The following SPICE1 variants were observed in gnomAD, a reference collection of about 807,000 sequenced individuals.
The protein encoded by SPICE1 is spindle and centriole associated protein 1.
SPICE1 carries 75 observed loss-of-function variants against 102.7 expected under a neutral mutation model. The observed-to-expected ratio is 0.73, with a 90% confidence interval of 0.61 to 0.88. The LOEUF (loss-of-function observed/expected upper bound fraction) is 0.88, where lower values mean the gene tolerates loss of function less well. Ranked by LOEUF, SPICE1 falls within the 40% of genes least tolerant of loss-of-function variation. The pLI is 0.00. For missense variants in SPICE1, 979 were observed against 1,020.1 expected, an observed-to-expected ratio of 0.96 and a Z score of 0.55; for synonymous variants, 308 against 350.3, an observed-to-expected ratio of 0.88 and a Z score of 1.35.
intron 7 of SPICE1, among the ~76,000 whole-genome samples, chr3:113,473,277 G>A (rs924370164): frequency 1.3e-5 from 2 of 152,124 alleles, no homozygotes; most frequent in African/African-American, 4.8e-5. Context: ...CAAGAAATAT[G>A]GGACTATGTG....
chr3:113,513,516 CTCA>C (rs917431017), intron 1 of SPICE1, among the ~76,000 whole-genome samples: 10 of 152,166 alleles, frequency 6.6e-5, no homozygotes, highest in African/African-American at 1.7e-4. Context: ...CAAAATACAG[CTCA>C]TCATCATACC....
chr3:113,463,793 G>T (rs564621642), intron 11 of SPICE1, among the ~76,000 whole-genome samples: 1 of 152,356 alleles, frequency 6.6e-6, no homozygotes, highest in South Asian at 2.1e-4. Context: ...GGATGGCCTG[G>T]CGCGGTGGCT....
In SPICE1 at chr3:113,476,257, A is replaced by G. The variant is rs1344354788; in HGVS notation, c.612-7019T>C. On this transcript the variant is annotated intron_variant, in intron 7 of 17. Transcript: ENST00000295872. ...GTGAAGGACCTCTTCAAGGAGAACT[A>G]CAAACCACTGCTGAATGAAATAAAA... 3.3e-5 allele frequency among the ~76,000 whole-genome samples: 5 copies of G among 151,122 alleles called. No homozygotes were observed. The South Asian group carries it at 1.0e-3, about 31-fold the overall frequency.
chr3:113,496,638 T>C (rs1203962277), intron 4 of SPICE1, among the ~76,000 whole-genome samples: 1 of 152,188 alleles, frequency 6.6e-6, no homozygotes, highest in Non-Finnish European at 1.5e-5. Flanking sequence ...AAATCTAAGA[T>C]TATGCTGGCC....
At chr3:113,486,755 C>T (rs1405565761) in intron 7 of SPICE1, among the ~76,000 whole-genome samples, 1 of 151,416 alleles carries the variant, frequency 6.6e-6, no homozygotes, top group Non-Finnish European at 1.5e-5. Context: ...TGAACATGCA[C>T]ATTTATTGTC....
chr3:113,453,713 T>C lies in SPICE1; in HGVS notation c.1895A>G (p.His632Arg). Residue 632 changes from histidine (H) to arginine (R), a missense_variant, in exon 14 of 18, where the codon CAT becomes CGT. His to Arg is a conservative substitution (Grantham distance 29). Coordinates refer to ENST00000295872, the MANE Select transcript of SPICE1 (RefSeq NM_144718.4). ...VNLSQPLCNS[H>R]SNTQQSRSPT... Reference sequence around the variant, plus strand: ...GCTTCTTGACTGTTGAGTGTTGGAATGGGAATTGCAGAGGGGCTGTGAGAG... The same window carrying C: ...GCTTCTTGACTGTTGAGTGTTGGAACGGGAATTGCAGAGGGGCTGTGAGAG... The C allele has an allele frequency of 6.2e-7, 1 of 1,614,146 alleles. No homozygotes were observed.
At chr3:113,471,385 T>C (rs1936194753) in intron 7 of SPICE1, among the ~76,000 whole-genome samples, 1 of 152,170 alleles carries the variant, frequency 6.6e-6, no homozygotes, top group Non-Finnish European at 1.5e-5. Context: ...GAGGAGATGA[T>C]GTGAAGACAA....
chr3:113,492,158 T>C (rs1936781277), intron 6 of SPICE1, among the ~76,000 whole-genome samples: 1 of 152,200 alleles, frequency 6.6e-6, no homozygotes, highest in African/African-American at 2.4e-5. Flanking sequence ...TGCCAAAACA[T>C]AAATGGTTTT....
intron 7 of SPICE1, among the ~76,000 whole-genome samples, chr3:113,478,919 T>C (rs1323119884): frequency 6.6e-6 from 1 of 151,998 alleles, no homozygotes; most frequent in Non-Finnish European, 1.5e-5. Flanking sequence ...GTAATAAAAC[T>C]AGAAAAACAA....
Position 113,450,335 on chromosome 3 carries a change from C to T in SPICE1, c.2323+1G>A. The stretch of plus-strand genomic sequence containing the variant: ...TTTTAAATCATGAATTTGTGACCAA[C>T]CAGTCCATGCTCTGAGAGGTAACTG... On this transcript the variant is annotated splice_donor_variant, in intron 15 of 17. Coordinates refer to ENST00000295872, the MANE Select transcript of SPICE1 (RefSeq NM_144718.4). LOFTEE classifies it high-confidence loss of function. 1 of 1,613,950 alleles carries T rather than the reference C, an allele frequency of 6.2e-7. No individual in the cohort carries two copies. Among genetic ancestry groups the T allele is most frequent in the East Asian group, 2.2e-5 (1 of 44,868 alleles).
chr3:113,474,886 A>C (rs1316566206), intron 7 of SPICE1, among the ~76,000 whole-genome samples: 1 of 152,192 alleles, frequency 6.6e-6, no homozygotes, highest in Non-Finnish European at 1.5e-5. Context: ...GAACTAGAAA[A>C]GCAAACACAT....
At chr3:113,495,176 G>C (rs1290842225) in intron 4 of SPICE1, among the ~76,000 whole-genome samples, 1 of 152,178 alleles carries the variant, frequency 6.6e-6, no homozygotes, top group Non-Finnish European at 1.5e-5. Context: ...CCACAGGCTA[G>C]AGTAAAAGCC....
chr3:113,478,676 T>G (rs1936418928), intron 7 of SPICE1, among the ~76,000 whole-genome samples: 1 of 152,142 alleles, frequency 6.6e-6, no homozygotes, highest in Admixed American at 6.6e-5. Context: ...TAATACACCA[T>G]TCTCAGAAGA....
chr3:113,456,311 T>TAA (rs139307236), intron 13 of SPICE1, among the ~76,000 whole-genome samples: 5,960 of 141,470 alleles, frequency 0.042, 143 homozygotes, highest in East Asian at 0.11. Context: ...TGTGTAAAAA[T>TAA]AAAAAAAAAA....
Position 113,453,758 on chromosome 3 carries a change from G to A in SPICE1, c.1850C>T (p.Thr617Ile), listed in dbSNP as rs1216511816. 2 of 1,614,140 alleles carry A rather than the reference G, an allele frequency of 1.2e-6. No individual in the cohort carries two copies. Among genetic ancestry groups the A allele is most frequent in the East Asian group, 4.5e-5 (2 of 44,882 alleles). ...SHMGEDLENK[T>I]QAPFVNLSQP... ...TGAGAGGTTAACAAAAGGAGCCTGA[G>A]TTTTGTTCTCCAAATCTTCTCCCAT... The change falls in exon 14 of 18, where the codon ACT becomes ATT. Residue 617 changes from threonine to isoleucine, a missense_variant. Coordinates refer to ENST00000295872, the MANE Select transcript of SPICE1 (RefSeq NM_144718.4).
rs535218944 is a variant in SPICE1 at position 113,494,247 on chromosome 3, G to C, written c.292-105C>G. ...GCCTGGAGCATGAAAATAACCATAG[G>C]CTACCTTCCTAAAAACCTTCAGTAG... On this transcript the variant is annotated intron_variant, in intron 4 of 17. Coordinates refer to ENST00000295872, the MANE Select transcript of SPICE1 (RefSeq NM_144718.4). The C allele has an allele frequency of 1.2e-5, 8 of 680,872 alleles. No homozygotes were observed. In the African/African-American group the frequency reaches 1.5e-4, roughly 12 times the overall value. 42.2% of individuals were successfully genotyped at this position (680,872 alleles called of 1,614,324 possible).
chr3:113,513,305 G>A (rs1209869620), intron 1 of SPICE1, among the ~76,000 whole-genome samples: 2 of 152,098 alleles, frequency 1.3e-5, no homozygotes, highest in African/African-American at 2.4e-5. Context: ...CAGCTACTCA[G>A]GAGGCTGAGG....
chr3:113,475,030 C>A lies in SPICE1; in HGVS notation c.612-5792G>T, dbSNP rs146815313. Among the ~76,000 whole-genome samples the A allele has an allele frequency of 8.1e-3, 1,230 of 152,190 alleles. 14 individuals are homozygous for A. Among genetic ancestry groups the A allele is most frequent in the African/African-American group, 0.028 (1,152 of 41,518 alleles). On this transcript the variant is annotated intron_variant, in intron 7 of 17. Coordinates refer to ENST00000295872, the MANE Select transcript of SPICE1 (RefSeq NM_144718.4). ...TGAAAGGATCAACAAAATTGATAGA[C>A]TGCTAGCAAGATTAATAAAAAAGAA...
At chr3:113,498,157 T>C (rs1238049787) in intron 4 of SPICE1, among the ~76,000 whole-genome samples, 2 of 152,172 alleles carry the variant, frequency 1.3e-5, no homozygotes, top group African/African-American at 4.8e-5. Flanking sequence ...ATTACAGGCA[T>C]GAGCTGCCAC....
Sources: allele counts gnomAD v4.1 joint callset (sites outside exome capture counted in the v4.1 genomes callset), GRCh38; gene constraint gnomAD v4.1.1; transcripts MANE v1.5; gene names NCBI Gene and HGNC (gene_info 2026-07-23, HGNC 2026-07-21).